Variants in AKAP19 observed in about 807,000 individuals in gnomAD.
The protein encoded by AKAP19 is A-kinase anchoring protein 19.
chr2:190,182,960 C>G, the AKAP19 span, among the ~76,000 whole-genome samples: 12 of 152,150 alleles, frequency 7.9e-5, no homozygotes, highest in Non-Finnish European at 1.8e-4. Flanking sequence ...AATCTTATGT[C>G]ATTCATCATG....
chr2:189,923,151 T>TA, the AKAP19 span, among the ~76,000 whole-genome samples: 1 of 151,914 alleles, frequency 6.6e-6, no homozygotes, highest in Non-Finnish European at 1.5e-5. Context: ...ACTCCATCTC[T>TA]AAAAAAATAA....
At chr2:190,044,844 G>A in the AKAP19 span, among the ~76,000 whole-genome samples, 1 of 152,192 alleles carries the variant, frequency 6.6e-6, no homozygotes, top group African/African-American at 2.4e-5. Flanking sequence ...TTTGTCCCAG[G>A]GAGGTACAGG....
the AKAP19 span, among the ~76,000 whole-genome samples, chr2:190,175,232 G>A: frequency 1.7e-4 from 26 of 152,262 alleles, no homozygotes; most frequent in East Asian, 1.4e-3. Context: ...TAAGTTCAGC[G>A]TAAAGATCTT....
the AKAP19 span, among the ~76,000 whole-genome samples, chr2:189,893,954 ACAT>A: frequency 4.7e-4 from 71 of 152,222 alleles, no homozygotes; most frequent in African/African-American, 1.7e-3. Flanking sequence ...AAATTTCCAG[ACAT>A]CATAGGCATT....
the AKAP19 span, among the ~76,000 whole-genome samples, chr2:190,069,175 T>TGTGTGTGAGAGAGA: frequency 2.9e-4 from 36 of 123,536 alleles, no homozygotes; most frequent in African/African-American, 7.5e-4. Flanking sequence ...TGTGTGTGTG[T>TGTGTGTGAGAGAGA]GAGAGAGAGA....
chr2:190,119,425 A>T, the AKAP19 span, among the ~76,000 whole-genome samples: 1 of 152,098 alleles, frequency 6.6e-6, no homozygotes, highest in Admixed American at 6.6e-5. Context: ...CCCAGAAAAA[A>T]CTGGCCCTCC....
At chr2:189,910,615 C>G in the AKAP19 span, among the ~76,000 whole-genome samples, 1 of 151,842 alleles carries the variant, frequency 6.6e-6, no homozygotes, top group African/African-American at 2.4e-5. Flanking sequence ...TCTCTCCCCC[C>G]ACCACCATCT....
chr2:189,990,073 A>C, the AKAP19 span, among the ~76,000 whole-genome samples: 1 of 152,218 alleles, frequency 6.6e-6, no homozygotes, highest in Non-Finnish European at 1.5e-5. Flanking sequence ...ATTTTGAAAG[A>C]GAAGAAAACA....
At chr2:190,178,946 A>C in the AKAP19 span, among the ~76,000 whole-genome samples, 1 of 152,184 alleles carries the variant, frequency 6.6e-6, no homozygotes, top group Non-Finnish European at 1.5e-5. The surrounding 1 kb of genome is among the most constrained non-coding windows in gnomAD (Gnocchi z 6.3). Context: ...GGTTGATAGA[A>C]GTTTAAAGCT....
chr2:190,014,575 G>A, the AKAP19 span, among the ~76,000 whole-genome samples: 1 of 151,856 alleles, frequency 6.6e-6, no homozygotes, highest in African/African-American at 2.4e-5. Context: ...TCCACTCCTG[G>A]CCACTCCAAA....
the AKAP19 span, among the ~76,000 whole-genome samples, chr2:190,130,514 C>G: frequency 1.3e-5 from 2 of 152,158 alleles, no homozygotes; most frequent in African/African-American, 4.8e-5. Flanking sequence ...CTAAATCCTG[C>G]TAGTTTTCTT....
the AKAP19 span, among the ~76,000 whole-genome samples, chr2:190,027,285 T>C: frequency 1.3e-5 from 2 of 152,188 alleles, no homozygotes; most frequent in Non-Finnish European, 2.9e-5. Flanking sequence ...AGTGGAACCA[T>C]GTGGTGGCTA....
the AKAP19 span, among the ~76,000 whole-genome samples, chr2:190,163,514 A>G: frequency 1.3e-5 from 2 of 152,098 alleles, no homozygotes; most frequent in Non-Finnish European, 2.9e-5. Context: ...CTTAGCCTGA[A>G]ATTCATAGTA....
chr2:190,154,061 C>T, the AKAP19 span, among the ~76,000 whole-genome samples: 4 of 152,082 alleles, frequency 2.6e-5, no homozygotes, highest in Non-Finnish European at 5.9e-5. Context: ...TTTAGGATTT[C>T]CCTCTATTTC....
chr2:190,181,671 T>G, the AKAP19 span, among the ~76,000 whole-genome samples: 1 of 152,222 alleles, frequency 6.6e-6, no homozygotes, highest in African/African-American at 2.4e-5. Context: ...GCCCTTCCCC[T>G]ATCCTTTAGG....
chr2:190,083,787 T>A, the AKAP19 span, among the ~76,000 whole-genome samples: 7 of 152,332 alleles, frequency 4.6e-5, no homozygotes, highest in African/African-American at 1.4e-4. Flanking sequence ...GGGATGTCAC[T>A]GCTGCCTTAC....
At chr2:190,190,321 CTT>C in the AKAP19 span, among the ~76,000 whole-genome samples, 1 of 152,140 alleles carries the variant, frequency 6.6e-6, no homozygotes, top group South Asian at 2.1e-4. Flanking sequence ...TATGATCCAT[CTT>C]TTTTATCTGG....
At chr2:190,147,066 A>G in the AKAP19 span, among the ~76,000 whole-genome samples, 1 of 152,132 alleles carries the variant, frequency 6.6e-6, no homozygotes, top group Admixed American at 6.5e-5. Context: ...TGGTCATGAA[A>G]TCCTTGCCTA....
At chr2:189,948,426 G>A in the AKAP19 span, among the ~76,000 whole-genome samples, 5 of 152,044 alleles carry the variant, frequency 3.3e-5, no homozygotes, top group African/African-American at 4.8e-5. Flanking sequence ...CCTTAGTACA[G>A]TAACGTGTAC....
Sources: gnomAD v4.1 joint callset for allele counts (sites outside exome capture counted in the v4.1 genomes callset) on GRCh38, gnomAD v4.1.1 for gene constraint, Gnocchi (gnomAD v3.1) non-coding constraint, MANE v1.5 for transcripts, NCBI Gene and HGNC (gene_info 2026-07-23, HGNC 2026-07-21) for gene names.